Variants in ALG14 observed in about 807,000 individuals in gnomAD.
ALG14 encodes the protein ALG14 UDP-N-acetylglucosaminyltransferase subunit.
ALG14 carries 17 observed loss-of-function variants against 22.8 expected under a neutral mutation model. The ratio of observed to expected loss-of-function variants is 0.75; its 90% CI spans 0.51 to 1.12. The LOEUF is 1.12. Ranked by LOEUF, ALG14 falls within the 50% of genes most tolerant of loss-of-function variation. ALG14 has a pLI of 0.00. For missense variants in ALG14, 288 were observed against 271.8 expected (o/e 1.06, Z -0.42); for synonymous variants, 89 against 103.7 (o/e 0.86, Z 0.86).
intron 2 of ALG14, among the ~76,000 whole-genome samples, chr1:95,042,492 C>T (rs1177469788): frequency 6.6e-6 from 1 of 152,230 alleles, no homozygotes; most frequent in Non-Finnish European, 1.5e-5. Context: ...AGTCTTCACA[C>T]TGGAACTCCC....
chr1:95,047,722 G>A (rs1674608496), intron 2 of ALG14, among the ~76,000 whole-genome samples: 1 of 152,154 alleles, frequency 6.6e-6, no homozygotes, highest in Non-Finnish European at 1.5e-5. Context: ...AGTCACGCCT[G>A]TAATCCCAGA....
chr1:95,044,783 TTG>T (rs1285032957), intron 2 of ALG14, among the ~76,000 whole-genome samples: 1 of 152,186 alleles, frequency 6.6e-6, no homozygotes, highest in African/African-American at 2.4e-5. Context: ...AGACATTTTT[TTG>T]TGTTTTTTGT....
Position 95,065,099 on chromosome 1 carries a change from T to C in ALG14, c.137-82A>G, listed in dbSNP as rs190745630. On this transcript the variant is annotated intron_variant, in intron 1 of 3. Coordinates refer to ENST00000370205, the MANE Select transcript of ALG14 (RefSeq NM_144988.4). Reference sequence around the variant, plus strand: ...TGACCATGTTATACCAATATCATGGTTTCAGGTTGGGGGTGGGGGGGCACT... The same window carrying C: ...TGACCATGTTATACCAATATCATGGCTTCAGGTTGGGGGTGGGGGGGCACT... 2.0e-4 allele frequency: 259 copies of C among 1,317,012 alleles called. 1 individual carries two copies. Among genetic ancestry groups the C allele is most frequent in the Admixed American group, 5.7e-4 (21 of 36,754 alleles). The allele number at this position is 1,317,012 out of a possible 1,614,324, so 81.6% of individuals were successfully genotyped here.
At chr1:95,048,057 C>T (rs186487150) in intron 2 of ALG14, among the ~76,000 whole-genome samples, 2 of 152,278 alleles carry the variant, frequency 1.3e-5, no homozygotes, top group Admixed American at 1.3e-4. Flanking sequence ...CACTCATAGT[C>T]CTGCCACAGT....
chr1:95,059,420 AC>A lies in ALG14; in HGVS notation c.288+5445del, dbSNP rs1268501941. 4.8e-3 allele frequency among the ~76,000 whole-genome samples: 706 copies of A among 148,370 alleles called. 2 individuals carry two copies. The highest frequency in any genetic ancestry group is 0.01 in the African/African-American group (408 of 40,672). ...CTCAAAAAAAAAAAAAAAAAAAAAA[AC>A]ATATTATTCTTGTTTATTTGGAATA... On this transcript the variant is annotated intron_variant, in intron 2 of 3. Coordinates refer to ENST00000370205, the MANE Select transcript of ALG14 (RefSeq NM_144988.4).
chr1:95,054,835 T>C (rs1412944412), intron 2 of ALG14, among the ~76,000 whole-genome samples: 1 of 152,196 alleles, frequency 6.6e-6, no homozygotes, highest in Non-Finnish European at 1.5e-5. Context: ...TACTGTAACC[T>C]TGATACCAAT....
At position 95,010,328 on chromosome 1, in the gene ALG14, GAC is replaced by G. The variant is rs368703285; in HGVS notation, c.420+16799_420+16800del. Among the ~76,000 whole-genome samples the G allele has an allele frequency of 2.8e-4, 43 of 152,240 alleles. No homozygotes were observed. In the East Asian group the frequency reaches 7.9e-3, roughly 28 times the overall value. ...TAGCTCAGATTGCTCTCTGAGTTCT[GAC>G]AGTACATCCAATGGACATCCCTACT... On this transcript the variant is annotated intron_variant, in intron 3 of 3. Transcript: ENST00000370205.
At chr1:94,983,421 C>T (rs1672552416) in intron 3 of ALG14, 115 bp from the exon 4 acceptor site, 2 of 861,502 alleles carry the variant, frequency 2.3e-6, no homozygotes, top group African/African-American at 3.4e-5. Flanking sequence ...CTAATAAGTC[C>T]TTCTCTGTCA....
chr1:94,975,861 A>C lies in ALG14; in HGVS notation c.*7215T>G, dbSNP rs77667806. On this transcript the variant is annotated 3_prime_UTR_variant, in exon 4 of 4. Transcript: ENST00000370205. Reference sequence around the variant, plus strand: ...TAAAAATACAAAAAAAACAAACAAAAAAAAAATTAGCCGGGCGTGGTGACA... The same window carrying C: ...TAAAAATACAAAAAAAACAAACAAACAAAAAATTAGCCGGGCGTGGTGACA... The C allele has an allele frequency of 0.075, 11,369 of 150,872 alleles. 551 individuals are homozygous for C. Among genetic ancestry groups the C allele is most frequent in the South Asian group, 0.11 (537 of 4,776 alleles). The allele number at this position is 150,872 out of a possible 1,614,324, so 9.3% of individuals were successfully genotyped here. A position where few individuals can be genotyped will look rare whatever the true frequency, so the allele number is the denominator to read the frequency against.
chr1:95,044,280 T>C (rs1674474891), intron 2 of ALG14, among the ~76,000 whole-genome samples: 1 of 152,188 alleles, frequency 6.6e-6, no homozygotes, highest in Non-Finnish European at 1.5e-5. Context: ...GGTGTATTTG[T>C]AACACAGCCA....
chr1:95,003,691 CTCAA>C (rs2100739171), intron 3 of ALG14, among the ~76,000 whole-genome samples: 1 of 152,082 alleles, frequency 6.6e-6, no homozygotes, highest in South Asian at 2.1e-4. Context: ...AACTCTTGGC[CTCAA>C]ACAATCCTCC....
rs1442181962 is a variant in ALG14, at chr1:95,072,617, G to A, written c.136+146C>T. On this transcript the variant is annotated intron_variant, in intron 1 of 3. Coordinates refer to ENST00000370205, the MANE Select transcript of ALG14 (RefSeq NM_144988.4). ...AACCAGCCCCTACCCTGGCTGGACT[G>A]CCCGGTTCCGGCAAGGCAGAGAAAC... is the stretch of plus-strand genomic sequence containing the variant. The A allele has an allele frequency of 3.3e-6, 4 of 1,224,232 alleles. No individual in the cohort carries two copies. The Admixed American group carries it at 9.6e-5, about 30-fold the overall frequency. 75.8% of individuals were successfully genotyped at this position (1,224,232 alleles called of 1,614,324 possible). A position where few individuals can be genotyped will look rare whatever the true frequency, so the allele number is the denominator to read the frequency against.
intron 2 of ALG14, chr1:95,061,694 G>T (rs1180923683): frequency 6.6e-6 from 1 of 152,182 alleles, no homozygotes; most frequent in African/African-American, 2.4e-5. Flanking sequence ...TCTATCTATA[G>T]ACTACCTTTA....
At chr1:95,008,542 GA>G (rs1294764839) in intron 3 of ALG14, among the ~76,000 whole-genome samples, 1 of 151,868 alleles carries the variant, frequency 6.6e-6, no homozygotes. Flanking sequence ...ATACTATTTA[GA>G]AAAATAGGTT....
At chr1:95,001,010 C>T (rs184381016) in intron 3 of ALG14, among the ~76,000 whole-genome samples, 1 of 152,182 alleles carries the variant, frequency 6.6e-6, no homozygotes, top group Non-Finnish European at 1.5e-5. Context: ...CTATGATTAT[C>T]CATATTTTAA....
intron 2 of ALG14, among the ~76,000 whole-genome samples, chr1:95,047,421 GC>G (rs1457038540): frequency 6.6e-6 from 1 of 152,016 alleles, no homozygotes; most frequent in Non-Finnish European, 1.5e-5. Flanking sequence ...TCGGCTCACT[GC>G]AACCTCTGCC....
chr1:95,003,859 G>T (rs1261415894), intron 3 of ALG14, among the ~76,000 whole-genome samples: 1 of 152,048 alleles, frequency 6.6e-6, no homozygotes, highest in Non-Finnish European at 1.5e-5. Context: ...GACAAAATTA[G>T]CTATAATTTC....
chr1:94,990,681 A>G (rs1672749024), intron 3 of ALG14, among the ~76,000 whole-genome samples: 1 of 152,222 alleles, frequency 6.6e-6, no homozygotes, highest in Non-Finnish European at 1.5e-5. Context: ...AATAGCTTTC[A>G]TCTTCTTTTA....
intron 3 of ALG14, among the ~76,000 whole-genome samples, chr1:94,999,343 ATTTTTTT>A (rs548389921): frequency 0.07 from 7,638 of 108,812 alleles, 183 homozygotes; most frequent in African/African-American, 0.099. Context: ...CAGTAGACCC[ATTTTTTT>A]TTTTTTTTTT....
Sources: allele counts gnomAD v4.1 joint callset (sites outside exome capture counted in the v4.1 genomes callset), GRCh38; gene constraint gnomAD v4.1.1; transcripts MANE v1.5; gene names NCBI Gene and HGNC (gene_info 2026-07-23, HGNC 2026-07-21).